Variants in TMEM120B observed in about 807,000 individuals in gnomAD.
TMEM120B encodes the protein transmembrane protein 120B.
A neutral mutation model predicts 55.5 loss-of-function variants in TMEM120B; 31 were observed. That is an observed-to-expected ratio of 0.56 (90% CI 0.42 to 0.75). The LOEUF is 0.75. TMEM120B is among the 30% of genes least tolerant of loss of function. The pLI is 0.00. For synonymous variants in TMEM120B, 203 were observed against 176.3 expected, an observed-to-expected ratio of 1.15 and a Z score of -1.20; for missense variants, 399 against 425.5, an observed-to-expected ratio of 0.94 and a Z score of 0.55.
At chr12:121,725,604 G>A (rs1894876265) in intron 1 of TMEM120B, among the ~76,000 whole-genome samples, 1 of 152,066 alleles carries the variant, frequency 6.6e-6, no homozygotes, top group Non-Finnish European at 1.5e-5. Flanking sequence ...GTGTATCTGG[G>A]CCACATTTTT....
At chr12:121,771,104 C>A (rs1035717132) in intron 7 of TMEM120B, 132 bp downstream of exon 7, 15 of 1,011,678 alleles carry the variant, frequency 1.5e-5, no homozygotes, top group Non-Finnish European at 2.1e-5. Flanking sequence ...AAAGTATGAG[C>A]CTGCAGCTGC....
rs1321816921 is a variant in TMEM120B, at chr12:121,752,021, C to T, written c.366-107C>T. 3.2e-5 allele frequency: 28 copies of T among 888,038 alleles called. 1 individual carries two copies. The highest frequency in any genetic ancestry group is 2.1e-4 in the South Asian group (14 of 66,208). The allele number at this position is 888,038 out of a possible 1,614,324, so 55.0% of individuals were successfully genotyped here. On this transcript the variant is annotated intron_variant, in intron 4 of 11. Transcript: ENST00000449592. The stretch of plus-strand genomic sequence containing the variant: ...AGTGGAATGGGAAGGTCCTTATGGG[C>T]CATGGCAGTGGCTGAAGGACAAGGG...
intron 1 of TMEM120B, among the ~76,000 whole-genome samples, chr12:121,727,114 G>A (rs1358800610): frequency 6.6e-6 from 1 of 151,982 alleles, no homozygotes; most frequent in Non-Finnish European, 1.5e-5. Context: ...AAATGCTTTA[G>A]TTTCTCCGTT....
At chr12:121,769,717 TGTG>T (rs912440534) in intron 6 of TMEM120B, among the ~76,000 whole-genome samples, 1 of 146,254 alleles carries the variant, frequency 6.8e-6, no homozygotes, top group African/African-American at 2.5e-5. Context: ...AGAGAAAACG[TGTG>T]TGTGTGTGTG....
intron 1 of TMEM120B, among the ~76,000 whole-genome samples, chr12:121,715,928 CAA>C (rs1894691830): frequency 6.6e-6 from 1 of 151,144 alleles, no homozygotes; most frequent in African/African-American, 2.4e-5. Flanking sequence ...TCTCAAGATG[CAA>C]GGCTCTGGGA....
Position 121,748,290 on chromosome 12 carries a change from A to T in TMEM120B, c.189-36A>T, listed in dbSNP as rs750721948. On this transcript the variant is annotated intron_variant, in intron 2 of 11. Coordinates refer to ENST00000449592, the MANE Select transcript of TMEM120B (RefSeq NM_001080825.2). The stretch of plus-strand genomic sequence containing the variant: ...TCCATAGCCCTCCTCCCTCTGAGTG[A>T]CGCCCCTTCCCCTGTGCCTGCATCT... 4 of 1,546,676 alleles carry T rather than the reference A, an allele frequency of 2.6e-6. No homozygotes were observed. In the East Asian group the frequency reaches 9.1e-5, roughly 35 times the overall value.
intron 1 of TMEM120B, among the ~76,000 whole-genome samples, chr12:121,729,376 G>A (rs949973593): frequency 1.3e-5 from 2 of 152,182 alleles, no homozygotes; most frequent in Non-Finnish European, 2.9e-5. Context: ...ATTGTATCTC[G>A]TCCACCTGGC....
Position 121,780,485 on chromosome 12 carries a change from C to T in TMEM120B, c.*4763C>T. 1 of 356,306 alleles carries T rather than the reference C, an allele frequency of 2.8e-6. No individual in the cohort carries two copies. The allele number at this position is 356,306 out of a possible 1,614,324, so 22.1% of individuals were successfully genotyped here. On this transcript the variant is annotated 3_prime_UTR_variant, in exon 12 of 12. Transcript: ENST00000449592. ...GGTCAATTGGCCCGTGAAGGGGACG[C>T]CTACTTTCAAACAAGGCAGACAGGA...
intron 4 of TMEM120B, among the ~76,000 whole-genome samples, chr12:121,751,770 G>T (rs1873338448): frequency 6.6e-6 from 1 of 151,928 alleles, no homozygotes; most frequent in Non-Finnish European, 1.5e-5. Context: ...TAGGGAGATG[G>T]GCAGTCCAGT....
In TMEM120B at chr12:121,779,412, G is replaced by A. The variant is rs1874356976; in HGVS notation, c.*3690G>A. On this transcript the variant is annotated 3_prime_UTR_variant, in exon 12 of 12. Transcript: ENST00000449592. Reference sequence around the variant, plus strand: ...GGCCCCAGACACCATGAGCTGGAGGGTCGGGATGGGGCAGCCTCCCTGGTG... The same window carrying A: ...GGCCCCAGACACCATGAGCTGGAGGATCGGGATGGGGCAGCCTCCCTGGTG... 6 of 1,433,166 alleles carry A rather than the reference G, an allele frequency of 4.2e-6. No individual in the cohort carries two copies. The highest frequency in any genetic ancestry group is 1.2e-5 in the South Asian group (1 of 82,456). The allele number at this position is 1,433,166 out of a possible 1,614,324, so 88.8% of individuals were successfully genotyped here. A position where few individuals can be genotyped will look rare whatever the true frequency, so the allele number is the denominator to read the frequency against.
At chr12:121,729,623 T>C (rs1894957490) in intron 1 of TMEM120B, among the ~76,000 whole-genome samples, 2 of 145,804 alleles carry the variant, frequency 1.4e-5, no homozygotes, top group South Asian at 2.2e-4. Flanking sequence ...CTGGGCAACA[T>C]AGACCATCTC....
At chr12:121,732,638 A>G (rs1414960957) in intron 1 of TMEM120B, among the ~76,000 whole-genome samples, 8 of 152,188 alleles carry the variant, frequency 5.3e-5, no homozygotes, top group Non-Finnish European at 8.8e-5. Flanking sequence ...GGGTGGGACT[A>G]TAAATTGGTA....
intron 4 of TMEM120B, among the ~76,000 whole-genome samples, chr12:121,751,371 C>T (rs1314882988): frequency 8.4e-6 from 1 of 118,904 alleles, no homozygotes; most frequent in Non-Finnish European, 1.8e-5. Context: ...ACCCACACCC[C>T]ACCCCACACC....
rs63639861 is a variant in TMEM120B at position 121,769,715 on chromosome 12, C to CGT, written c.552-1171_552-1170dup. ...GAGACCCTGCCTGGAAAAGAGAAAA[C>CGT]GTGTGTGTGTGTGTGTGTGTGTACA... On this transcript the variant is annotated intron_variant, in intron 6 of 11. Transcript: ENST00000449592. Among the ~76,000 whole-genome samples the CGT allele has an allele frequency of 4.3e-3, 636 of 148,420 alleles. 4 individuals are homozygous for CGT. Among genetic ancestry groups the CGT allele is most frequent in the South Asian group, 0.012 (54 of 4,630 alleles).
chr12:121,723,188 A>G (rs1054352974), intron 1 of TMEM120B, among the ~76,000 whole-genome samples: 9 of 151,630 alleles, frequency 5.9e-5, no homozygotes, highest in African/African-American at 1.9e-4. Flanking sequence ...TTTAAGAGAG[A>G]GGGGGGTCTA....
Position 121,779,690 on chromosome 12 carries a change from G to T in TMEM120B, c.*3968G>T. ...GGGTGGGGGGAGGAGCCAGCATTAG[G>T]TGAGGGGCCCCTGGAGGTCTCCTAG... On this transcript the variant is annotated 3_prime_UTR_variant, in exon 12 of 12. Coordinates refer to ENST00000449592, the MANE Select transcript of TMEM120B (RefSeq NM_001080825.2). 1 of 1,612,342 alleles carries T rather than the reference G, an allele frequency of 6.2e-7. No homozygotes were observed. Among genetic ancestry groups the T allele is most frequent in the Non-Finnish European group, 8.5e-7 (1 of 1,179,256 alleles).
At chr12:121,757,382 C>G (rs1355006524) in intron 5 of TMEM120B, among the ~76,000 whole-genome samples, 1 of 152,012 alleles carries the variant, frequency 6.6e-6, no homozygotes, top group Admixed American at 6.6e-5. Flanking sequence ...CACTCTGTCT[C>G]CGAGGCTGGA....
chr12:121,767,755 C>T (rs1298445745), intron 6 of TMEM120B, among the ~76,000 whole-genome samples: 2 of 152,140 alleles, frequency 1.3e-5, no homozygotes, highest in Non-Finnish European at 2.9e-5. Context: ...AGGGAAGGAG[C>T]GATTTCTAGC....
intron 1 of TMEM120B, among the ~76,000 whole-genome samples, chr12:121,722,008 G>A (rs961262639): frequency 6.6e-6 from 1 of 150,452 alleles, no homozygotes; most frequent in Admixed American, 6.7e-5. Flanking sequence ...TCACCATGTT[G>A]GCCAGGATGG....
Sources: gnomAD v4.1 joint callset for allele counts (sites outside exome capture counted in the v4.1 genomes callset) on GRCh38, gnomAD v4.1.1 for gene constraint, MANE v1.5 for transcripts, NCBI Gene and HGNC (gene_info 2026-07-23, HGNC 2026-07-21) for gene names.